Variants in CTNNA2 observed in about 807,000 individuals in gnomAD.
CTNNA2 encodes catenin alpha-2.
A neutral mutation model predicts 101.0 loss-of-function variants in CTNNA2; 42 were observed. That is an observed-to-expected ratio of 0.42 (90% CI 0.32 to 0.54). The LOEUF (loss-of-function observed/expected upper bound fraction) is 0.54. CTNNA2 is among the 20% of genes least tolerant of loss of function. The pLI is 0.14. For missense variants in CTNNA2, 871 were observed against 1,223.1 expected, an observed-to-expected ratio of 0.71 and a Z score of 4.29; for synonymous variants, 450 against 456.4, an observed-to-expected ratio of 0.99 and a Z score of 0.18.
intron 5 of CTNNA2, among the ~76,000 whole-genome samples, chr2:79,870,832 C>T (rs1444563289): frequency 4.6e-5 from 7 of 152,100 alleles, no homozygotes; most frequent in African/African-American, 9.7e-5. Context: ...GGAACCACCC[C>T]TATGATCCAG....
At chr2:79,543,350 A>G (rs1036535722) in intron 1 of CTNNA2, among the ~76,000 whole-genome samples, 1 of 152,190 alleles carries the variant, frequency 6.6e-6, no homozygotes, top group Non-Finnish European at 1.5e-5. Context: ...GAAATGTGAA[A>G]TCAAGTTATT....
chr2:80,400,412 A>G (rs1227434926), intron 8 of CTNNA2, among the ~76,000 whole-genome samples: 1 of 152,076 alleles, frequency 6.6e-6, no homozygotes, highest in Non-Finnish European at 1.5e-5. Flanking sequence ...GGATGTCCTC[A>G]TATTGTGCCT....
chr2:79,215,732 G>A (rs1674246415), intron 2 of CTNNA2, among the ~76,000 whole-genome samples: 1 of 152,100 alleles, frequency 6.6e-6, no homozygotes, highest in African/African-American at 2.4e-5. Context: ...TTTAGCTCTA[G>A]CCACCTTTTT....
chr2:80,256,580 A>G (rs1672171754), intron 7 of CTNNA2, among the ~76,000 whole-genome samples: 1 of 152,124 alleles, frequency 6.6e-6, no homozygotes, highest in Non-Finnish European at 1.5e-5. Context: ...TATGTCATCA[A>G]TTCAAGTTTC....
At position 79,793,876 on chromosome 2, in the gene CTNNA2, ACACACACTCATG is replaced by A. The variant is rs1184686472; in HGVS notation, c.298+49302_298+49313del. Reference sequence around the variant, plus strand: ...TCCAACTTTCCCCAATACCACACACACACACACTCATGCACACACACACACACACACACACAC... The same window carrying A: ...TCCAACTTTCCCCAATACCACACACACACACACACACACACACACACACAC... On this transcript the variant is annotated intron_variant, in intron 3 of 18. Transcript: ENST00000402739. Among the ~76,000 whole-genome samples, 29 of 136,600 alleles carry A rather than the reference ACACACACTCATG, an allele frequency of 2.1e-4. No homozygotes were observed. In the South Asian group the frequency reaches 4.4e-3, roughly 21 times the overall value. 89.6% of individuals were successfully genotyped at this position (136,600 alleles called of 152,430 possible).
At chr2:79,484,420 A>G (rs1047469881) in intron 4 of CTNNA2, among the ~76,000 whole-genome samples, 1 of 151,942 alleles carries the variant, frequency 6.6e-6, no homozygotes. Context: ...TCTGACTCCT[A>G]TCTCTGACCT....
At chr2:80,027,696 G>A (rs544052904) in intron 7 of CTNNA2, among the ~76,000 whole-genome samples, 100 of 152,210 alleles carry the variant, frequency 6.6e-4, no homozygotes, top group African/African-American at 1.6e-3. Context: ...GCCTGGTGCC[G>A]TGGCTCGTGC....
At chr2:80,589,019 A>C (rs1475767121) in intron 14 of CTNNA2, among the ~76,000 whole-genome samples, 1 of 152,178 alleles carries the variant, frequency 6.6e-6, no homozygotes, top group Non-Finnish European at 1.5e-5. Context: ...TTTTGAACAA[A>C]CATATGCCAT....
At chr2:79,704,759 C>T (rs559428035) in intron 2 of CTNNA2, among the ~76,000 whole-genome samples, 5 of 151,776 alleles carry the variant, frequency 3.3e-5, no homozygotes, top group African/African-American at 1.2e-4. Context: ...GTCATCCACC[C>T]GCCTCGGCCT....
At chr2:79,978,601 G>A (rs1037433132) in intron 7 of CTNNA2, among the ~76,000 whole-genome samples, 4 of 152,226 alleles carry the variant, frequency 2.6e-5, no homozygotes, top group South Asian at 2.1e-4. Flanking sequence ...CAGTCTAGAA[G>A]CCTTAAGTAG....
intron 7 of CTNNA2, among the ~76,000 whole-genome samples, chr2:80,033,356 C>G (rs1417482451): frequency 6.6e-6 from 1 of 151,926 alleles, no homozygotes; most frequent in African/African-American, 2.4e-5. Flanking sequence ...AGGTGTCTCT[C>G]AAGCCTAGGA....
chr2:79,248,746 A>G (rs960422910), intron 2 of CTNNA2, among the ~76,000 whole-genome samples: 2 of 152,228 alleles, frequency 1.3e-5, no homozygotes. Context: ...GCAATGATAC[A>G]TAGCACTGGA....
chr2:80,221,298 C>A (rs947642070), intron 7 of CTNNA2, among the ~76,000 whole-genome samples: 1 of 152,174 alleles, frequency 6.6e-6, no homozygotes, highest in African/African-American at 2.4e-5. Context: ...TACTTTCTTA[C>A]TGGGACAAAT....
intron 18 of CTNNA2, among the ~76,000 whole-genome samples, chr2:80,628,815 G>T (rs527946126): frequency 1.3e-5 from 2 of 152,112 alleles, no homozygotes; most frequent in South Asian, 4.2e-4. Flanking sequence ...GCTTTGAGTG[G>T]CACGATGATC....
intron 7 of CTNNA2, among the ~76,000 whole-genome samples, chr2:80,028,855 G>T (rs886906147): frequency 2.0e-5 from 3 of 152,196 alleles, no homozygotes; most frequent in African/African-American, 4.8e-5. Context: ...AGATTTCTTT[G>T]TAAAGTTTCC....
chr2:79,687,424 T>C, intron 2 of CTNNA2: 1 of 505,844 alleles, frequency 2.0e-6, no homozygotes, highest in Non-Finnish European at 3.4e-6. Flanking sequence ...CAAAAATCCA[T>C]AAAAGGTCAT....
At chr2:80,330,718 G>C (rs950606815) in intron 7 of CTNNA2, among the ~76,000 whole-genome samples, 5 of 151,912 alleles carry the variant, frequency 3.3e-5, no homozygotes, top group African/African-American at 1.2e-4. Context: ...CAGGTCCAGG[G>C]GTCCATTGCC....
intron 7 of CTNNA2, among the ~76,000 whole-genome samples, chr2:80,122,301 C>T (rs1465653085): frequency 6.6e-6 from 1 of 151,482 alleles, no homozygotes; most frequent in African/African-American, 2.4e-5. Context: ...CTCAATCTCT[C>T]TTCCCTCTCT....
intron 8 of CTNNA2, among the ~76,000 whole-genome samples, chr2:80,404,499 G>A (rs1678876626): frequency 6.6e-6 from 1 of 152,086 alleles, no homozygotes; most frequent in Admixed American, 6.5e-5. Context: ...TATTTTAAAA[G>A]CAGACTAGTA....
Sources: allele counts gnomAD v4.1 joint callset (sites outside exome capture counted in the v4.1 genomes callset), GRCh38; gene constraint gnomAD v4.1.1; transcripts MANE v1.5; gene names NCBI Gene and HGNC (gene_info 2026-07-23, HGNC 2026-07-21).